The following RIMS2 variants were observed in gnomAD, a reference collection of about 807,000 sequenced individuals.
RIMS2 encodes the protein regulating synaptic membrane exocytosis protein 2.
Under a neutral mutation model 174.4 loss-of-function variants are expected in RIMS2, and 59 were observed. The ratio of observed to expected loss-of-function variants is 0.34; its 90% CI spans 0.27 to 0.42. The LOEUF is 0.42. RIMS2 is among the 10% of genes least tolerant of loss of function. The pLI is 1.00. For missense variants in RIMS2, 1,620 were observed against 1,666.3 expected, an observed-to-expected ratio of 0.97 and a Z score of 0.48; for synonymous variants, 606 against 572.5, an observed-to-expected ratio of 1.06 and a Z score of -0.84.
chr8:103,526,284 A>G (rs971721719), intron 1 of RIMS2, among the ~76,000 whole-genome samples: 2 of 152,234 alleles, frequency 1.3e-5, no homozygotes, highest in African/African-American at 4.8e-5. Flanking sequence ...TAATTAGATT[A>G]CAGACATCTA....
chr8:103,969,901 A>G (rs1596075847), intron 15 of RIMS2, among the ~76,000 whole-genome samples: 1 of 152,100 alleles, frequency 6.6e-6, no homozygotes, highest in African/African-American at 2.4e-5. Context: ...GGTGTGCACC[A>G]TCATGTCCAG....
rs368851079 is a variant in RIMS2, at chr8:104,248,891, T to TTCTCTCTCTCTCTCTCTCTCTCTC, written c.3589+99_3589+100insCTCTCTCTCTCTCTCTCTCTCTCT. The TTCTCTCTCTCTCTCTCTCTCTCTC allele has an allele frequency of 2.1e-3, 1,346 of 628,672 alleles. 13 individuals are homozygous for TTCTCTCTCTCTCTCTCTCTCTCTC. The highest frequency in any genetic ancestry group is 5.5e-3 in the South Asian group (301 of 54,252). The allele number at this position is 628,672 out of a possible 1,614,324, so 38.9% of individuals were successfully genotyped here. On this transcript the variant is annotated intron_variant, in intron 21 of 23. Transcript: ENST00000504942. ...GAAATTCTCTAAATTTCATAGAATC[T>TTCTCTCTCTCTCTCTCTCTCTCTC]TCTCTCTCTCTCTCTCTCTCTTTCC...
At chr8:103,501,479 A>C (rs1586241296) in intron 1 of RIMS2, 1 of 153,474 alleles carries the variant, frequency 6.5e-6, no homozygotes, top group African/African-American at 2.4e-5. Flanking sequence ...CCCTGGACGG[A>C]CCCGGGCGAA....
At chr8:103,516,654 A>G (rs577804026) in intron 1 of RIMS2, among the ~76,000 whole-genome samples, 328 of 152,300 alleles carry the variant, frequency 2.2e-3, no homozygotes, top group Non-Finnish European at 3.9e-3. Flanking sequence ...TATTGTTGCA[A>G]TGTAGTATTC....
chr8:104,239,103 T>G (rs2099273657), intron 19 of RIMS2, among the ~76,000 whole-genome samples: 1 of 152,160 alleles, frequency 6.6e-6, no homozygotes, highest in African/African-American at 2.4e-5. Context: ...ACCATGACAT[T>G]AAGTTTGACA....
intron 1 of RIMS2, among the ~76,000 whole-genome samples, chr8:103,693,911 T>C (rs879444235): frequency 1.4e-4 from 22 of 152,186 alleles, no homozygotes; most frequent in Non-Finnish European, 2.4e-4. Flanking sequence ...AGGGGCTGGC[T>C]AGGTGTTGGT....
At chr8:104,055,798 C>T (rs1204001964) in intron 19 of RIMS2, among the ~76,000 whole-genome samples, 1 of 152,144 alleles carries the variant, frequency 6.6e-6, no homozygotes, top group African/African-American at 2.4e-5. Context: ...CTTTTTCCTG[C>T]ACAAAGTTCC....
At chr8:103,685,606 C>T (rs2096932137) in intron 1 of RIMS2, among the ~76,000 whole-genome samples, 2 of 152,130 alleles carry the variant, frequency 1.3e-5, no homozygotes, top group Admixed American at 1.3e-4. Flanking sequence ...CATTGAATTA[C>T]TTCAGCTCCT....
intron 3 of RIMS2, among the ~76,000 whole-genome samples, chr8:103,807,020 G>A (rs545593730): frequency 6.6e-6 from 1 of 152,216 alleles, no homozygotes; most frequent in Admixed American, 6.5e-5. Context: ...ATGGTTAAAT[G>A]AGTCTGGAGT....
At chr8:104,050,453 C>T (rs1035897208) in intron 19 of RIMS2, among the ~76,000 whole-genome samples, 7 of 152,026 alleles carry the variant, frequency 4.6e-5, no homozygotes, top group African/African-American at 1.7e-4. Context: ...TCCAGGAAGT[C>T]TTATCTAAGG....
intron 2 of RIMS2, among the ~76,000 whole-genome samples, chr8:103,705,223 T>A (rs988625161): frequency 3.3e-5 from 5 of 152,114 alleles, no homozygotes; most frequent in African/African-American, 9.6e-5. Flanking sequence ...TTCACAAGCA[T>A]GTTGTTTTAT....
chr8:104,163,389 C>T lies in RIMS2; in HGVS notation c.3335-81527C>T, dbSNP rs150103620. 2.0e-3 allele frequency among the ~76,000 whole-genome samples: 306 copies of T among 152,188 alleles called. 1 individual carries two copies. Among genetic ancestry groups the T allele is most frequent in the African/African-American group, 6.9e-3 (286 of 41,510 alleles). On this transcript the variant is annotated intron_variant, in intron 19 of 23. Transcript: ENST00000504942. The stretch of plus-strand genomic sequence containing the variant: ...TGTCCTCCTCATATGGTATCTGTTC[C>T]AGTGGGAAAGACAGGCCTTAACAAA...
At chr8:103,997,226 G>C (rs146839443) in intron 17 of RIMS2, among the ~76,000 whole-genome samples, 51 of 151,898 alleles carry the variant, frequency 3.4e-4, no homozygotes, top group African/African-American at 1.2e-3. Context: ...GGAAAGATTA[G>C]CAAGGGTTTT....
chr8:103,933,375 A>G (rs2080462348), intron 12 of RIMS2, among the ~76,000 whole-genome samples: 2 of 151,288 alleles, frequency 1.3e-5, no homozygotes, highest in Admixed American at 1.3e-4. Context: ...AATCCCAGCT[A>G]CTCGGGAGGC....
intron 1 of RIMS2, among the ~76,000 whole-genome samples, chr8:103,647,887 T>G (rs1367260979): frequency 7.0e-6 from 1 of 143,128 alleles, no homozygotes; most frequent in Non-Finnish European, 1.5e-5. Flanking sequence ...GTTCATTGAT[T>G]TTTTTTTGAT....
Position 104,100,942 on chromosome 8 carries a change from T to G in RIMS2, c.3334+86327T>G, listed in dbSNP as rs370506012. Among the ~76,000 whole-genome samples, 191 of 90,596 alleles carry G rather than the reference T, an allele frequency of 2.1e-3. 1 individual carries two copies. Among genetic ancestry groups the G allele is most frequent in the African/African-American group, 0.011 (173 of 15,876 alleles). 59.4% of individuals were successfully genotyped at this position (90,596 alleles called of 152,430 possible). On this transcript the variant is annotated intron_variant, in intron 19 of 23. Coordinates refer to ENST00000504942, the Ensembl canonical transcript of RIMS2. ...TATTATATATGTGATATATTATATATTATATAGTATATATGATATATTATA... is the reference window on the plus strand; with the variant it reads ...TATTATATATGTGATATATTATATAGTATATAGTATATATGATATATTATA...
chr8:104,121,922 T>C (rs2132374207), intron 19 of RIMS2, among the ~76,000 whole-genome samples: 1 of 152,084 alleles, frequency 6.6e-6, no homozygotes, highest in Non-Finnish European at 1.5e-5. Context: ...GATCACGCCA[T>C]TGCACTCCAG....
At chr8:104,114,947 G>A (rs770978080) in intron 19 of RIMS2, among the ~76,000 whole-genome samples, 22 of 151,890 alleles carry the variant, frequency 1.4e-4, no homozygotes, top group Non-Finnish European at 2.5e-4. Context: ...AAGAACACGT[G>A]CAAGTCAATA....
intron 2 of RIMS2, among the ~76,000 whole-genome samples, chr8:103,713,796 C>T (rs1175161173): frequency 2.6e-5 from 4 of 152,132 alleles, no homozygotes; most frequent in African/African-American, 9.7e-5. Context: ...AAAGAGTCAC[C>T]GCTCTCTGAT....
Sources: gnomAD v4.1 joint callset for allele counts (sites outside exome capture counted in the v4.1 genomes callset) on GRCh38, gnomAD v4.1.1 for gene constraint, MANE v1.5 for transcripts, NCBI Gene and HGNC (gene_info 2026-07-23, HGNC 2026-07-21) for gene names.